COL20A1: variants seen among roughly 807,000 people sequenced by gnomAD.
COL20A1 encodes the protein collagen alpha-1(XX) chain.
COL20A1 carries 164 observed loss-of-function variants against 152.9 expected under a neutral mutation model. The ratio of observed to expected loss-of-function variants is 1.07; its 90% CI spans 0.94 to 1.22. The LOEUF (loss-of-function observed/expected upper bound fraction) is 1.22. Ranked by LOEUF, COL20A1 falls within the 50% of genes most tolerant of loss-of-function variation. The pLI, the probability that COL20A1 is intolerant of heterozygous loss-of-function variation, is 0.00. For missense variants in COL20A1, 1,873 were observed against 1,744.8 expected, an observed-to-expected ratio of 1.07 and a Z score of -1.31; for synonymous variants, 864 against 756.0, an observed-to-expected ratio of 1.14 and a Z score of -2.34.
At chr20:63,295,576 T>G (rs2067779814) in intron 2 of COL20A1, among the ~76,000 whole-genome samples, 1 of 152,048 alleles carries the variant, frequency 6.6e-6, no homozygotes, top group East Asian at 1.9e-4. Flanking sequence ...CTCTGGCTTC[T>G]CTCGGTGCGG....
In COL20A1 at chr20:63,319,854, G is replaced by C. The variant is rs1186359021; in HGVS notation, c.2917-185G>C. 2.0e-5 allele frequency among the ~76,000 whole-genome samples: 3 copies of C among 152,288 alleles called. No homozygotes were observed. In the East Asian group the frequency reaches 5.8e-4, roughly 29 times the overall value. ...CAGGTGCCATTTGGTCCATTTTACA[G>C]AGGGGAAGCCGAGGCCCAGCAAGGG... On this transcript the variant is annotated intron_variant, in intron 23 of 35. Coordinates refer to ENST00000358894, the MANE Select transcript of COL20A1 (RefSeq NM_020882.4). This position sits in a 1 kb window ranked among gnomAD's most constrained non-coding sequence, Gnocchi z 4.4.
At chr20:63,326,016 T>C (rs1250890049) in intron 29 of COL20A1, 80 bp from the exon 30 acceptor site, 3 of 1,272,038 alleles carry the variant, frequency 2.4e-6, no homozygotes, top group Non-Finnish European at 3.4e-6. Context: ...GTGTGTTGGG[T>C]GCTGCTGGGG....
rs1447155603 is a variant in COL20A1, at chr20:63,306,818, TCTC to T, written c.497-668_497-666del. 6.6e-6 allele frequency among the ~76,000 whole-genome samples: 1 copy of T among 152,116 alleles called. No homozygotes were observed. Among genetic ancestry groups the T allele is most frequent in the Non-Finnish European group, 1.5e-5 (1 of 68,002 alleles). On this transcript the variant is annotated intron_variant, in intron 5 of 35. Transcript: ENST00000358894. This position sits in a 1 kb window ranked among gnomAD's most constrained non-coding sequence, Gnocchi z 6.9. ...TCAGACTTGGAACTGAAGGAAGTGT[TCTC>T]CTCAGACTTGGGCATATCCCCTCCA... is the stretch of plus-strand genomic sequence containing the variant.
chr20:63,301,567 C>A (rs1246006783), intron 3 of COL20A1, among the ~76,000 whole-genome samples: 2 of 152,134 alleles, frequency 1.3e-5, no homozygotes, highest in African/African-American at 4.8e-5. Context: ...TCTTACTGTT[C>A]TTTGCTTTAT....
At position 63,320,167 on chromosome 20, in the gene COL20A1, G is replaced by A; in HGVS notation, c.3045G>A (p.Lys1015=). 1 of 1,558,806 alleles carries A rather than the reference G, an allele frequency of 6.4e-7. No homozygotes were observed. The highest frequency in any genetic ancestry group is 1.2e-5 in the South Asian group (1 of 86,278). Residue 1015 remains lysine (K), a synonymous_variant, in exon 24 of 36, where the codon AAG becomes AAA. Coordinates refer to ENST00000358894, the MANE Select transcript of COL20A1 (RefSeq NM_020882.4). ...AGFVTLGRLA[K]ARGPRSSSAA... Reference sequence around the variant, plus strand: ...TCGTCACGCTGGGGAGGCTGGCCAAGGCCAGGGGCCCCCGGAGCAGTTCGG... The same window carrying A: ...TCGTCACGCTGGGGAGGCTGGCCAAAGCCAGGGGCCCCCGGAGCAGTTCGG...
rs369936311 is a variant in COL20A1 at position 63,310,401 on chromosome 20, C to T, written c.1284C>T (p.Ala428=). Residue 428 remains alanine (A), a synonymous_variant, in exon 11 of 36, where the codon GCC becomes GCT. Transcript: ENST00000358894. ...TPREVVVEGP[A]ASTELHNLAS... ...TCCAGGTGGTGGTGGAGGGACCCGC[C>T]GCCTCCACGGAGCTGCACAACCTGG... 3.3e-4 allele frequency: 525 copies of T among 1,610,812 alleles called. No individual in the cohort carries two copies. Among genetic ancestry groups the T allele is most frequent in the Non-Finnish European group, 4.0e-4 (474 of 1,179,226 alleles).
Position 63,313,851 on chromosome 20 carries a change from T to C in COL20A1, c.2318T>C (p.Leu773Pro), listed in dbSNP as rs1601423329. The change falls in exon 18 of 36, where the codon CTC becomes CCC. Residue 773 changes from leucine to proline, a missense_variant. By Grantham distance (98) the Leu-to-Pro change is moderately conservative (BLOSUM62 -3). Transcript: ENST00000358894. The surrounding 1 kb of genome is among the most constrained non-coding windows in gnomAD (Gnocchi z 5.9). The part of the protein sequence containing the change: ...PPLGRVLHYW[L>P]TYAPASGLGP... Reference sequence around the variant, plus strand: ...CTTGGCCGCGTGCTCCATTACTGGCTCACCTACGCCCCCGCCTCTGGCTTG... The same window carrying C: ...CTTGGCCGCGTGCTCCATTACTGGCCCACCTACGCCCCCGCCTCTGGCTTG... 1.9e-6 allele frequency: 3 copies of C among 1,610,126 alleles called. No homozygotes were observed. The highest frequency in any genetic ancestry group is 2.2e-5 in the East Asian group (1 of 44,832).
At chr20:63,315,492 T>C in intron 20 of COL20A1, 53 bp downstream of exon 20, 1 of 1,489,356 alleles carries the variant, frequency 6.7e-7, no homozygotes, top group South Asian at 1.2e-5. Context: ...CTCGGGCTCT[T>C]CCTGGGCGTG....
chr20:63,325,241 A>G (rs1221309375), intron 27 of COL20A1, 200 bp from the exon 28 acceptor site: 2 of 700,252 alleles, frequency 2.9e-6, no homozygotes, highest in Admixed American at 2.0e-5. Context: ...TGACCTTGTC[A>G]GGCCCTACCC....
chr20:63,315,634 G>A (rs571014923), intron 20 of COL20A1, among the ~76,000 whole-genome samples, 195 bp downstream of exon 20: 4 of 152,354 alleles, frequency 2.6e-5, no homozygotes, highest in East Asian at 1.9e-4. Context: ...TGAGGGAGCC[G>A]AAGGTTATGT....
Position 63,319,176 on chromosome 20 carries a change from C to T in COL20A1, c.2782C>T (p.Pro928Ser), listed in dbSNP as rs2068123989. Residue 928 changes from proline (P) to serine (S), a missense_variant, in exon 22 of 36, where the codon CCC becomes TCC. Transcript: ENST00000358894. The surrounding 1 kb of genome is among the most constrained non-coding windows in gnomAD (Gnocchi z 4.4). ...LWQMTAEDFQ[P>S]LLGVLLDAGK... ...GCAGATGACAGCCGAGGACTTCCAG[C>T]CCCTCCTTGGGGTTCTGCTGGATGG... is the stretch of plus-strand genomic sequence containing the variant. 1.2e-6 allele frequency: 2 copies of T among 1,612,664 alleles called. No homozygotes were observed. The highest frequency in any genetic ancestry group is 1.7e-6 in the Non-Finnish European group (2 of 1,179,688).
rs6011750 is a variant in COL20A1, at chr20:63,333,919, T to C, written c.*3203T>C. 0.047 allele frequency: 7,172 copies of C among 152,362 alleles called. 569 individuals carry two copies. The highest frequency in any genetic ancestry group is 0.16 in the African/African-American group (6,748 of 41,538). The allele number at this position is 152,362 out of a possible 1,614,324, so 9.4% of individuals were successfully genotyped here. On this transcript the variant is annotated 3_prime_UTR_variant, in exon 36 of 36. Coordinates refer to ENST00000358894, the MANE Select transcript of COL20A1 (RefSeq NM_020882.4). The stretch of plus-strand genomic sequence containing the variant: ...GACGGGAGAGCTGGGACACGTGGAC[T>C]CACACCAGGGCAGATGGTGGGGGAA...
chr20:63,295,619 G>C (rs942130686), intron 2 of COL20A1, among the ~76,000 whole-genome samples: 1 of 152,030 alleles, frequency 6.6e-6, no homozygotes, highest in Non-Finnish European at 1.5e-5. Context: ...CACCCCCTCC[G>C]TGCGCATCCC....
In COL20A1 at chr20:63,306,145, C is replaced by T. The variant is rs748099598; in HGVS notation, c.496+106C>T. 3.0e-6 allele frequency: 3 copies of T among 1,012,098 alleles called. No homozygotes were observed. Among genetic ancestry groups the T allele is most frequent in the South Asian group, 1.7e-5 (1 of 60,452 alleles). The allele number at this position is 1,012,098 out of a possible 1,614,324, so 62.7% of individuals were successfully genotyped here. ...AAGTTCTTCCTCGTGTCTGACCACA[C>T]GGTCTCTGACCACGAGGCCAGGAAG... is the stretch of plus-strand genomic sequence containing the variant. On this transcript the variant is annotated intron_variant, in intron 5 of 35. Transcript: ENST00000358894. This position sits in a 1 kb window ranked among gnomAD's most constrained non-coding sequence, Gnocchi z 6.9.
rs763134857 is a variant in COL20A1, at chr20:63,308,716, A to C, written c.940+10A>C. The C allele has an allele frequency of 1.3e-6, 2 of 1,580,464 alleles. No individual in the cohort carries two copies. The highest frequency in any genetic ancestry group is 4.6e-5 in the East Asian group (2 of 43,474). Reference sequence around the variant, plus strand: ...AACGTCTTCGCTGTGGGTGAGCACCATGCGGCTCCCCCGGCCCTGGAGTCT... The same window carrying C: ...AACGTCTTCGCTGTGGGTGAGCACCCTGCGGCTCCCCCGGCCCTGGAGTCT... On this transcript the variant is annotated intron_variant, in intron 8 of 35. Coordinates refer to ENST00000358894, the MANE Select transcript of COL20A1 (RefSeq NM_020882.4).
At chr20:63,295,057 CGGG>C in intron 1 of COL20A1, 38 bp from the exon 2 acceptor site, 1 of 1,331,290 alleles carries the variant, frequency 7.5e-7, no homozygotes. Flanking sequence ...AGAGGACAGA[CGGG>C]GGGACGGCTG....
intron 27 of COL20A1, among the ~76,000 whole-genome samples, chr20:63,322,897 C>T (rs78753124): frequency 6.6e-6 from 1 of 152,368 alleles, no homozygotes; most frequent in East Asian, 1.9e-4. Context: ...GCCATATTCC[C>T]TTTGTCTGCG....
At position 63,305,663 on chromosome 20, in the gene COL20A1, G is replaced by C. The variant is rs1036847274; in HGVS notation, c.337+103G>C. The stretch of plus-strand genomic sequence containing the variant: ...TCCTCCAGGCTGCGTTCCAGCCCCA[G>C]GGGTGGGTATGTGTGAAGCAGTTCT... On this transcript the variant is annotated intron_variant, in intron 4 of 35. Coordinates refer to ENST00000358894, the MANE Select transcript of COL20A1 (RefSeq NM_020882.4). This position sits in a 1 kb window ranked among gnomAD's most constrained non-coding sequence, Gnocchi z 4.9. 2.0e-5 allele frequency: 27 copies of C among 1,343,246 alleles called. No individual in the cohort carries two copies. Among genetic ancestry groups the C allele is most frequent in the Non-Finnish European group, 2.6e-5 (26 of 994,068 alleles). The allele number at this position is 1,343,246 out of a possible 1,614,324, so 83.2% of individuals were successfully genotyped here.
In COL20A1 at chr20:63,332,221, T is replaced by G. The variant is rs1240260158; in HGVS notation, c.*1505T>G. ...CAAAGTAGGTGCAGGTAAAGCAGCA[T>G]CTGGGGCAGAGTTATAGCCTTCAGT... On this transcript the variant is annotated 3_prime_UTR_variant, in exon 36 of 36. Coordinates refer to ENST00000358894, the MANE Select transcript of COL20A1 (RefSeq NM_020882.4). 1 of 152,324 alleles carries G rather than the reference T, an allele frequency of 6.6e-6. No homozygotes were observed. The highest frequency in any genetic ancestry group is 2.4e-5 in the African/African-American group (1 of 41,458). The allele number at this position is 152,324 out of a possible 1,614,324, so 9.4% of individuals were successfully genotyped here. A position where few individuals can be genotyped will look rare whatever the true frequency, so the allele number is the denominator to read the frequency against.
Sources: gnomAD v4.1 joint callset for allele counts (sites outside exome capture counted in the v4.1 genomes callset) on GRCh38, gnomAD v4.1.1 for gene constraint, Gnocchi (gnomAD v3.1) non-coding constraint, MANE v1.5 for transcripts, NCBI Gene and HGNC (gene_info 2026-07-23, HGNC 2026-07-21) for gene names.